BACE2: variants seen among roughly 807,000 people sequenced by gnomAD.
BACE2 encodes beta-secretase 2, also known as 56 kDa aspartic-like protease.
BACE2 carries 17 observed loss-of-function variants against 46.2 expected under a neutral mutation model. That is an observed-to-expected ratio of 0.37 (90% CI 0.25 to 0.55). BACE2 has a LOEUF of 0.55. Ranked by LOEUF, BACE2 falls within the 20% of genes least tolerant of loss-of-function variation. The probability of loss-of-function intolerance (pLI) is 0.82; values close to 1 mark genes in which losing one functional copy is unlikely to be tolerated. For synonymous variants in BACE2, 277 were observed against 295.9 expected, an observed-to-expected ratio of 0.94 and a Z score of 0.66; for missense variants, 595 against 698.1, an observed-to-expected ratio of 0.85 and a Z score of 1.66.
At chr21:41,216,872 G>A (rs909244304) in intron 1 of BACE2, among the ~76,000 whole-genome samples, 6 of 152,216 alleles carry the variant, frequency 3.9e-5, no homozygotes, top group Middle Eastern at 3.2e-3. Context: ...CAGCTTCCAC[G>A]ATGGACAGTG....
chr21:41,203,961 C>T (rs1380827129), intron 1 of BACE2, among the ~76,000 whole-genome samples: 1 of 152,108 alleles, frequency 6.6e-6, no homozygotes, highest in Non-Finnish European at 1.5e-5. Context: ...AGGAGAGGAC[C>T]TGGAGCCTGT....
chr21:41,241,869 C>G lies in BACE2; in HGVS notation c.669C>G (p.Asn223Lys). The G allele has an allele frequency of 6.2e-7, 1 of 1,614,192 alleles. No individual in the cohort carries two copies. ...TCGACTCCCTGGTGACACAAGCAAA[C>G]ATCCCCAACGTTTTCTCCATGCAGA... ...TFFDSLVTQA[N>K]IPNVFSMQMC... Residue 223 changes from asparagine to lysine, a missense_variant, in exon 4 of 9, where the codon AAC becomes AAG. This residue lies in a region of BACE2 where 343 missense variants were observed against 419.4 expected (regional missense o/e 0.82). Coordinates refer to ENST00000330333, the MANE Select transcript of BACE2 (RefSeq NM_012105.5).
At chr21:41,204,583 G>A (rs1986066803) in intron 1 of BACE2, among the ~76,000 whole-genome samples, 1 of 152,148 alleles carries the variant, frequency 6.6e-6, no homozygotes, top group Admixed American at 6.5e-5. Flanking sequence ...CACGTTCAAG[G>A]GCTGTCACAC....
In BACE2 at chr21:41,237,535, G is replaced by A. The variant is rs968792604; in HGVS notation, c.424G>A (p.Gly142Ser). ...CAGGTCTAGCACATACCGCTCCAAGGGCTTTGACGTCACAGTGAAGTACAC... is the reference window on the plus strand; with the variant it reads ...CAGGTCTAGCACATACCGCTCCAAGAGCTTTGACGTCACAGTGAAGTACAC... ...TERSSTYRSK[G>S]FDVTVKYTQG... The change falls in exon 3 of 9, where the codon GGC becomes AGC. Residue 142 changes from glycine (G) to serine (S), a missense_variant. By Grantham distance (56) the Gly-to-Ser change is moderately conservative. This residue lies in a region of BACE2 where 248 missense variants were observed against 261.4 expected (regional missense o/e 0.95). Transcript: ENST00000330333. 1.2e-5 allele frequency: 20 copies of A among 1,613,930 alleles called. No homozygotes were observed. Among genetic ancestry groups the A allele is most frequent in the Non-Finnish European group, 1.7e-5 (20 of 1,179,988 alleles).
intron 1 of BACE2, among the ~76,000 whole-genome samples, chr21:41,222,959 A>G (rs1452177016): frequency 6.6e-6 from 1 of 152,188 alleles, no homozygotes; most frequent in African/African-American, 2.4e-5. Flanking sequence ...GGGTGGGGGC[A>G]GCTGGAGCTC....
intron 1 of BACE2, among the ~76,000 whole-genome samples, chr21:41,189,603 T>C (rs1275623480): frequency 6.6e-6 from 1 of 152,232 alleles, no homozygotes; most frequent in Non-Finnish European, 1.5e-5. Context: ...GGTCTTTGTG[T>C]CTCATGCTAG....
intron 3 of BACE2, 101 bp from the exon 4 acceptor site, chr21:41,241,718 T>A: frequency 1.4e-6 from 2 of 1,407,162 alleles, no homozygotes; most frequent in Non-Finnish European, 1.9e-6. Flanking sequence ...AAATTGAGTA[T>A]AAACACCAGG....
intron 1 of BACE2, among the ~76,000 whole-genome samples, chr21:41,216,743 G>A (rs1365483458): frequency 2.0e-5 from 3 of 152,334 alleles, no homozygotes; most frequent in Non-Finnish European, 1.5e-5. Flanking sequence ...CCTTGGCCCT[G>A]TCTAGTTACG....
At chr21:41,214,109 C>T (rs1263422206) in intron 1 of BACE2, among the ~76,000 whole-genome samples, 1 of 152,168 alleles carries the variant, frequency 6.6e-6, no homozygotes, top group African/African-American at 2.4e-5. Flanking sequence ...CACAAGCACC[C>T]CATGAGAATG....
intron 1 of BACE2, among the ~76,000 whole-genome samples, chr21:41,190,145 T>C (rs911213272): frequency 6.6e-6 from 1 of 152,184 alleles, no homozygotes; most frequent in African/African-American, 2.4e-5. Flanking sequence ...CCAGGATCAA[T>C]ACTTTGTATC....
intron 1 of BACE2, among the ~76,000 whole-genome samples, chr21:41,168,994 G>GC (rs369583484): frequency 0.015 from 1,628 of 109,922 alleles, 32 homozygotes; most frequent in African/African-American, 0.048. Flanking sequence ...CCTCCCCCCC[G>GC]CCCCCCCCCC....
chr21:41,259,562 C>A (rs899005912), intron 8 of BACE2, among the ~76,000 whole-genome samples: 1 of 151,112 alleles, frequency 6.6e-6, no homozygotes, highest in African/African-American at 2.4e-5. Flanking sequence ...AATATTTTGT[C>A]ATATTTTCTT....
At chr21:41,266,095 T>C (rs181681734) in intron 8 of BACE2, among the ~76,000 whole-genome samples, 2 of 152,358 alleles carry the variant, frequency 1.3e-5, no homozygotes, top group East Asian at 3.9e-4. Flanking sequence ...TACTATTCCA[T>C]TGATATATCT....
At chr21:41,271,174 C>T (rs1429109888) in intron 8 of BACE2, among the ~76,000 whole-genome samples, 3 of 152,024 alleles carry the variant, frequency 2.0e-5, no homozygotes, top group Non-Finnish European at 2.9e-5. Context: ...TTAGTTTTAA[C>T]ATTTTGAGTC....
At chr21:41,275,344 G>T (rs762301143) in intron 8 of BACE2, 27 bp from the exon 9 acceptor site, 3 of 1,613,526 alleles carry the variant, frequency 1.9e-6, no homozygotes, top group Non-Finnish European at 2.5e-6. Flanking sequence ...TTTCACAGCT[G>T]TGGATTTTCC....
intron 5 of BACE2, among the ~76,000 whole-genome samples, chr21:41,243,901 G>A (rs983824052): frequency 3.0e-5 from 4 of 133,780 alleles, no homozygotes; most frequent in Non-Finnish European, 4.6e-5. Flanking sequence ...AAATGAAACC[G>A]AAAAGATCAT....
chr21:41,220,617 T>C (rs1015584999), intron 1 of BACE2, among the ~76,000 whole-genome samples: 1 of 152,138 alleles, frequency 6.6e-6, no homozygotes, highest in African/African-American at 2.4e-5. Context: ...TAGGATTAAA[T>C]CTAACCCAAA....
intron 1 of BACE2, among the ~76,000 whole-genome samples, chr21:41,171,506 G>T (rs1353780304): frequency 2.6e-5 from 4 of 152,378 alleles, no homozygotes; most frequent in South Asian, 2.1e-4. Context: ...GCAGGGCCAC[G>T]TTGGCATGGA....
chr21:41,192,786 C>A (rs1345692828), intron 1 of BACE2, among the ~76,000 whole-genome samples: 1 of 152,220 alleles, frequency 6.6e-6, no homozygotes, highest in African/African-American at 2.4e-5. Flanking sequence ...GGCAGCCTTT[C>A]GGCTCACTCG....
Sources: allele counts gnomAD v4.1 joint callset (sites outside exome capture counted in the v4.1 genomes callset), GRCh38; gene constraint gnomAD v4.1.1; regional missense constraint gnomAD v4.1.1; transcripts MANE v1.5; gene names NCBI Gene and HGNC (gene_info 2026-07-23, HGNC 2026-07-21).